ADAMTS18: variants seen among roughly 807,000 people sequenced by gnomAD.
ADAMTS18 encodes ADAM metallopeptidase with thrombospondin type 1 motif 18, also known as A disintegrin and metalloproteinase with thrombospondin motifs 18.
ADAMTS18 carries 157 observed loss-of-function variants against 165.9 expected under a neutral mutation model. That is an observed-to-expected ratio of 0.95 (90% CI 0.83 to 1.08). The LOEUF is 1.08. Ranked by LOEUF, ADAMTS18 falls within the 50% of genes least tolerant of loss-of-function variation. The pLI, the probability that ADAMTS18 is intolerant of heterozygous loss-of-function variation, is 0.00. For missense variants in ADAMTS18, 2,040 were observed against 1,534.0 expected (o/e 1.33, Z -5.51); for synonymous variants, 782 against 578.2 (o/e 1.35, Z -5.06).
At chr16:77,407,556 A>T (rs2057408988) in intron 3 of ADAMTS18, among the ~76,000 whole-genome samples, 1 of 152,152 alleles carries the variant, frequency 6.6e-6, no homozygotes, top group African/African-American at 2.4e-5. Flanking sequence ...CATGTTACAA[A>T]GCTACCATAA....
chr16:77,407,913 T>C lies in ADAMTS18; in HGVS notation c.495+23382A>G, dbSNP rs538272098. Among the ~76,000 whole-genome samples the C allele has an allele frequency of 2.0e-3, 299 of 152,128 alleles. 8 individuals carry two copies. The highest frequency in any genetic ancestry group is 3.4e-4 in the Non-Finnish European group (23 of 67,956). On this transcript the variant is annotated intron_variant, in intron 3 of 22. Coordinates refer to ENST00000282849, the MANE Select transcript of ADAMTS18 (RefSeq NM_199355.4). Reference sequence around the variant, plus strand: ...ATACAGGAAGCCAGAGACTGATAAATTGCGAGAAATTAAAATTTAAAAAGT... The same window carrying C: ...ATACAGGAAGCCAGAGACTGATAAACTGCGAGAAATTAAAATTTAAAAAGT...
intron 12 of ADAMTS18, among the ~76,000 whole-genome samples, chr16:77,327,177 T>C (rs1329907434): frequency 6.6e-6 from 1 of 152,232 alleles, no homozygotes. Context: ...TGTGTCTTTA[T>C]GGTAGAACAA....
In ADAMTS18 at chr16:77,321,080, AT is replaced by A; in HGVS notation, c.2285del (p.Asn762MetfsTer85). 6.2e-7 allele frequency: 1 copy of A among 1,614,092 alleles called. No individual in the cohort carries two copies. The highest frequency in any genetic ancestry group is 8.5e-7 in the Non-Finnish European group (1 of 1,179,986). ...KGLYLNQHKANEYYPVVLIPA... is the reference protein window; with the variant it reads ...KGLYLNQHKAXEYYPVVLIPA... ...ATAACAAACAGCAGCATCTCTCACC[AT>A]TTGCTTTATGCTGGTTGAGGTACAG... On this transcript the variant is annotated frameshift_variant and splice_region_variant, in exon 15 of 23. Transcript: ENST00000282849. LOFTEE classifies it high-confidence loss of function.
intron 16 of ADAMTS18, among the ~76,000 whole-genome samples, chr16:77,314,400 G>C (rs928716533): frequency 6.6e-6 from 1 of 151,864 alleles, no homozygotes; most frequent in South Asian, 2.1e-4. Flanking sequence ...TTGAGGTCAG[G>C]AGTTCCAGAC....
chr16:77,353,017 T>A (rs1040356078), intron 10 of ADAMTS18, among the ~76,000 whole-genome samples: 1 of 152,050 alleles, frequency 6.6e-6, no homozygotes, highest in Non-Finnish European at 1.5e-5. Flanking sequence ...GAGGCGGAGC[T>A]TGCAGTGAGC....
At chr16:77,293,570 C>T (rs1290127447) in intron 19 of ADAMTS18, among the ~76,000 whole-genome samples, 1 of 151,688 alleles carries the variant, frequency 6.6e-6, no homozygotes, top group African/African-American at 2.4e-5. Flanking sequence ...TGAAAGAACC[C>T]CTAAACAAGC....
chr16:77,396,167 G>C lies in ADAMTS18; in HGVS notation c.496-28444C>G, dbSNP rs552897527. Among the ~76,000 whole-genome samples, 14 of 152,264 alleles carry C rather than the reference G, an allele frequency of 9.2e-5. No individual in the cohort carries two copies. The East Asian group carries it at 2.5e-3, about 27-fold the overall frequency. On this transcript the variant is annotated intron_variant, in intron 3 of 22. Coordinates refer to ENST00000282849, the MANE Select transcript of ADAMTS18 (RefSeq NM_199355.4). ...TGTTACTAAATCATAATCTATAACT[G>C]CCTATCATACTCCACCCAAGTTTTA...
intron 11 of ADAMTS18, among the ~76,000 whole-genome samples, chr16:77,340,912 G>C (rs78552073): frequency 6.6e-6 from 1 of 152,088 alleles, no homozygotes; most frequent in African/African-American, 2.4e-5. Flanking sequence ...TTCTGTATAG[G>C]TTTATACTGC....
At chr16:77,345,142 C>T (rs916038829) in intron 10 of ADAMTS18, among the ~76,000 whole-genome samples, 1 of 152,056 alleles carries the variant, frequency 6.6e-6, no homozygotes, top group Non-Finnish European at 1.5e-5. Flanking sequence ...CTTGCTGTGT[C>T]CTCCAGTTGT....
At chr16:77,323,512 T>C (rs978253735) in intron 13 of ADAMTS18, among the ~76,000 whole-genome samples, 1 of 152,090 alleles carries the variant, frequency 6.6e-6, no homozygotes, top group Admixed American at 6.6e-5. Context: ...ATATGCCCTT[T>C]CTTTTCTCTA....
intron 3 of ADAMTS18, among the ~76,000 whole-genome samples, chr16:77,405,202 A>G (rs1023952326): frequency 2.0e-5 from 3 of 152,176 alleles, no homozygotes; most frequent in Non-Finnish European, 4.4e-5. Flanking sequence ...AGCTAAGTGG[A>G]TCCAAATTCA....
chr16:77,372,815 G>C (rs965685942), intron 3 of ADAMTS18, among the ~76,000 whole-genome samples: 6 of 152,004 alleles, frequency 3.9e-5, no homozygotes, highest in African/African-American at 1.5e-4. Context: ...ACTTTCTATT[G>C]ACGTCCCAAA....
chr16:77,398,433 C>T (rs1354482573), intron 3 of ADAMTS18, among the ~76,000 whole-genome samples: 7 of 152,040 alleles, frequency 4.6e-5, no homozygotes, highest in African/African-American at 1.2e-4. Context: ...GACAGAGAAA[C>T]GGAGGGCTTC....
At chr16:77,419,926 G>A (rs2057579818) in intron 3 of ADAMTS18, among the ~76,000 whole-genome samples, 1 of 149,882 alleles carries the variant, frequency 6.7e-6, no homozygotes, top group East Asian at 2.0e-4. Context: ...TTGAACCCAG[G>A]AGGCGGAGGT....
intron 3 of ADAMTS18, among the ~76,000 whole-genome samples, chr16:77,376,243 G>A (rs961224340): frequency 5.3e-5 from 8 of 152,160 alleles, no homozygotes; most frequent in African/African-American, 1.9e-4. Flanking sequence ...GGAAGAGAGA[G>A]TGAAGGGGTA....
intron 3 of ADAMTS18, 74 bp downstream of exon 3, chr16:77,431,221 A>T: frequency 2.0e-6 from 3 of 1,521,774 alleles, no homozygotes; most frequent in Non-Finnish European, 2.7e-6. Flanking sequence ...GAGCATTTAT[A>T]TTGCAGACAT....
At chr16:77,312,264 T>A (rs1295896904) in intron 16 of ADAMTS18, among the ~76,000 whole-genome samples, 2 of 152,018 alleles carry the variant, frequency 1.3e-5, no homozygotes, top group Non-Finnish European at 2.9e-5. Context: ...GAGACGGAGT[T>A]TTGTTCTCGT....
At chr16:77,368,085 C>G (rs1039238352) in intron 3 of ADAMTS18, among the ~76,000 whole-genome samples, 4 of 152,174 alleles carry the variant, frequency 2.6e-5, no homozygotes, top group Non-Finnish European at 5.9e-5. Flanking sequence ...GTGGCCCAAG[C>G]TGGTTTTGAA....
intron 14 of ADAMTS18, 82 bp downstream of exon 14, chr16:77,322,254 T>A (rs1178471360): frequency 9.5e-6 from 14 of 1,476,464 alleles, no homozygotes; most frequent in Admixed American, 1.8e-5. Flanking sequence ...ACACACAATC[T>A]CTCACACCAC....
Sources: allele counts gnomAD v4.1 joint callset (sites outside exome capture counted in the v4.1 genomes callset), GRCh38; gene constraint gnomAD v4.1.1; transcripts MANE v1.5; gene names NCBI Gene and HGNC (gene_info 2026-07-23, HGNC 2026-07-21).